The following RPAP3 variants were observed in gnomAD, a reference collection of about 807,000 sequenced individuals.
The protein encoded by RPAP3 is RNA polymerase II-associated protein 3.
RPAP3 carries 58 observed loss-of-function variants against 88.8 expected under a neutral mutation model. The ratio of observed to expected loss-of-function variants is 0.65; its 90% CI spans 0.53 to 0.81. RPAP3 has a LOEUF of 0.81. Ranked by LOEUF, RPAP3 falls within the 40% of genes least tolerant of loss-of-function variation. The pLI, the probability that RPAP3 is intolerant of heterozygous loss-of-function variation, is 0.00. For missense variants in RPAP3, 751 were observed against 764.3 expected, an observed-to-expected ratio of 0.98 and a Z score of 0.20; for synonymous variants, 255 against 259.9, an observed-to-expected ratio of 0.98 and a Z score of 0.18.
At chr12:47,687,548 GAATT>G (rs755938958) in intron 8 of RPAP3, among the ~76,000 whole-genome samples, 72 of 151,996 alleles carry the variant, frequency 4.7e-4, no homozygotes, top group Non-Finnish European at 9.6e-4. Context: ...AGTCCAGTGT[GAATT>G]AATGAAAAAA....
chr12:47,665,594 G>A (rs553491043), intron 16 of RPAP3, among the ~76,000 whole-genome samples: 6 of 149,770 alleles, frequency 4.0e-5, no homozygotes, highest in East Asian at 1.9e-4. Flanking sequence ...TTAAACCCTC[G>A]CTATTAAAAT....
intron 1 of RPAP3, among the ~76,000 whole-genome samples, chr12:47,704,161 T>C (rs896014541): frequency 6.6e-6 from 1 of 152,044 alleles, no homozygotes; most frequent in Admixed American, 6.6e-5. Context: ...AACTGGGGAA[T>C]GGGGTGAACC....
In RPAP3 at chr12:47,685,192, A is replaced by T. The variant is rs187807955; in HGVS notation, c.992+1588T>A. 7.4e-4 allele frequency among the ~76,000 whole-genome samples: 113 copies of T among 152,294 alleles called. 2 individuals carry two copies. The East Asian group carries it at 0.019, about 25-fold the overall frequency. On this transcript the variant is annotated intron_variant, in intron 9 of 16. Coordinates refer to ENST00000005386, the MANE Select transcript of RPAP3 (RefSeq NM_024604.3). ...TCAGGAGTTTGAGACCAGCCTGGCCAACATGGCAAAACCCCATCTCTACTA... is the reference window on the plus strand; with the variant it reads ...TCAGGAGTTTGAGACCAGCCTGGCCTACATGGCAAAACCCCATCTCTACTA...
At chr12:47,674,529 A>G (rs138903863) in intron 12 of RPAP3, among the ~76,000 whole-genome samples, 2 of 152,354 alleles carry the variant, frequency 1.3e-5, no homozygotes, top group East Asian at 1.9e-4. Context: ...ACTAACTACA[A>G]TAAACAGTGC....
intron 9 of RPAP3, among the ~76,000 whole-genome samples, chr12:47,686,548 AC>A (rs1939326590): frequency 8.9e-6 from 1 of 112,542 alleles, no homozygotes; most frequent in African/African-American, 3.4e-5. Context: ...ATACACATAC[AC>A]ACACACACAC....
rs369508848 is a variant in RPAP3, at chr12:47,690,367, AC to A, written c.667+150del. ...GCAAATAATGCATTCTTTCTTAAAA[AC>A]ATCAAGATATCATTTCAGTTGCAAA... On this transcript the variant is annotated intron_variant, in intron 6 of 16. Transcript: ENST00000005386. 1.3e-3 allele frequency: 730 copies of A among 556,426 alleles called. 7 individuals are homozygous for A. The highest frequency in any genetic ancestry group is 0.013 in the African/African-American group (677 of 52,186). 34.5% of individuals were successfully genotyped at this position (556,426 alleles called of 1,614,324 possible).
In RPAP3 at chr12:47,681,820, A is replaced by C; in HGVS notation, c.993-3T>G. 6.4e-7 allele frequency: 1 copy of C among 1,571,154 alleles called. No individual in the cohort carries two copies. The highest frequency in any genetic ancestry group is 1.4e-5 in the African/African-American group (1 of 72,606). Reference sequence around the variant, plus strand: ...AGTCTTTTTCAGCTTCTTCATATCTATTGAACATGATAAAATTACTGACTG... The same window carrying C: ...AGTCTTTTTCAGCTTCTTCATATCTCTTGAACATGATAAAATTACTGACTG... On this transcript the variant is annotated splice_region_variant and splice_polypyrimidine_tract_variant and intron_variant, in intron 9 of 16. Transcript: ENST00000005386.
At chr12:47,699,988 GTTCT>G (rs1939624356) in intron 3 of RPAP3, 1 of 131,540 alleles carries the variant, frequency 7.6e-6, no homozygotes, top group Non-Finnish European at 1.6e-5. Context: ...GGCTGGAAAT[GTTCT>G]TTTTTTTTTT....
rs1265942542 is a variant in RPAP3, at chr12:47,662,433, A to G, written c.*1072T>C. ...ATTATGATTACTTCTCAAACAATTC[A>G]TAAGAATAGTAATATGTATAATGGC... On this transcript the variant is annotated 3_prime_UTR_variant, in exon 17 of 17. Coordinates refer to ENST00000005386, the MANE Select transcript of RPAP3 (RefSeq NM_024604.3). 6.6e-6 allele frequency: 1 copy of G among 152,230 alleles called. No individual in the cohort carries two copies. The highest frequency in any genetic ancestry group is 1.5e-5 in the Non-Finnish European group (1 of 68,042). 9.4% of individuals were successfully genotyped at this position (152,230 alleles called of 1,614,324 possible).
chr12:47,681,784 G>A lies in RPAP3; in HGVS notation c.1026C>T (p.Ala342=). 6.2e-7 allele frequency: 1 copy of A among 1,610,440 alleles called. No individual in the cohort carries two copies. Among genetic ancestry groups the A allele is most frequent in the Non-Finnish European group, 8.5e-7 (1 of 1,178,456 alleles). Reference sequence around the variant, plus strand: ...TAGAATATGAGCCATCTAATAAAATGGCTTGTGTGCAGTCTTTTTCAGCTT... The same window carrying A: ...TAGAATATGAGCCATCTAATAAAATAGCTTGTGTGCAGTCTTTTTCAGCTT... ...YEEAEKDCTQ[A]ILLDGSYSKA... The change falls in exon 10 of 17, where the codon GCC becomes GCT. Residue 342 remains alanine (A), a synonymous_variant. Transcript: ENST00000005386.
Position 47,670,111 on chromosome 12 carries a change from G to A in RPAP3, c.1522C>T (p.Leu508=). The A allele has an allele frequency of 6.4e-7, 1 of 1,569,586 alleles. No individual in the cohort carries two copies. The highest frequency in any genetic ancestry group is 2.2e-5 in the East Asian group (1 of 44,648). ...AATAACAGTATTTCTACTCACTGCA[G>A]GGATGAAGTATCACTGACTTCTTCT... ...KIEEVSDTSS[L]QPQASLKQDV... Residue 508 remains leucine (L), a synonymous_variant, in exon 13 of 17, where the codon CTG becomes TTG. Coordinates refer to ENST00000005386, the MANE Select transcript of RPAP3 (RefSeq NM_024604.3).
intron 14 of RPAP3, among the ~76,000 whole-genome samples, chr12:47,668,103 G>T (rs1434599809): frequency 6.6e-6 from 1 of 152,180 alleles, no homozygotes; most frequent in Non-Finnish European, 1.5e-5. Context: ...ACTGAGGCAG[G>T]AGAATTGCTT....
At chr12:47,682,526 G>A (rs1335334545) in intron 9 of RPAP3, among the ~76,000 whole-genome samples, 5 of 151,976 alleles carry the variant, frequency 3.3e-5, no homozygotes, top group Admixed American at 2.0e-4. Flanking sequence ...AGCAATAAAC[G>A]TCATAATGTT....
chr12:47,704,052 C>T (rs1209627966), intron 1 of RPAP3, among the ~76,000 whole-genome samples: 1 of 152,058 alleles, frequency 6.6e-6, no homozygotes, highest in African/African-American at 2.4e-5. Context: ...GAAGAGATAC[C>T]CCATAGGTAG....
At chr12:47,704,958 G>A (rs1251504121) in intron 1 of RPAP3, among the ~76,000 whole-genome samples, 1 of 151,876 alleles carries the variant, frequency 6.6e-6, no homozygotes, top group Admixed American at 6.6e-5. Context: ...GGCGGTGACG[G>A]GCCCACTACA....
intron 13 of RPAP3, among the ~76,000 whole-genome samples, chr12:47,669,430 A>G (rs1938950509): frequency 6.6e-6 from 1 of 152,168 alleles, no homozygotes; most frequent in African/African-American, 2.4e-5. Flanking sequence ...AAAGATCTAA[A>G]TGATCATTTT....
Position 47,686,902 on chromosome 12 carries a change from AT to A in RPAP3, c.869del (p.Asn290MetfsTer20). On this transcript the variant is annotated frameshift_variant, in exon 9 of 17. Transcript: ENST00000005386. LOFTEE classifies it high-confidence loss of function. ...CATATTTCCCCTCTTTGAAAAATCC[AT>A]TCCCCTGTTATTTTGTAGAGAGATA... ...QQAISEKDRG[N>X]GFFKEGKYER... The A allele has an allele frequency of 6.3e-7, 1 of 1,586,328 alleles. No homozygotes were observed. Among genetic ancestry groups the A allele is most frequent in the Non-Finnish European group, 8.6e-7 (1 of 1,164,242 alleles).
chr12:47,685,065 T>A (rs1004311293), intron 9 of RPAP3, among the ~76,000 whole-genome samples: 1 of 152,158 alleles, frequency 6.6e-6, no homozygotes, highest in Admixed American at 6.5e-5. Context: ...ATAGTATCTA[T>A]CACTTTGTCA....
intron 1 of RPAP3, among the ~76,000 whole-genome samples, 170 bp downstream of exon 1, chr12:47,705,782 C>A (rs1046274039): frequency 9.9e-5 from 15 of 152,284 alleles, no homozygotes; most frequent in Middle Eastern, 3.4e-3. Context: ...ACGCGCGACC[C>A]GAGACGCCGC....
Sources: gnomAD v4.1 joint callset for allele counts (sites outside exome capture counted in the v4.1 genomes callset) on GRCh38, gnomAD v4.1.1 for gene constraint, MANE v1.5 for transcripts, NCBI Gene and HGNC (gene_info 2026-07-23, HGNC 2026-07-21) for gene names.